Variants in PLXND1 observed in about 807,000 individuals in gnomAD.
PLXND1 encodes plexin-D1.
In PLXND1, 54 loss-of-function variants were observed where a neutral mutation model predicts 197.7. That is an observed-to-expected ratio of 0.27 (90% CI 0.22 to 0.34). The LOEUF (loss-of-function observed/expected upper bound fraction) is 0.34, where lower values mean the gene tolerates loss of function less well. PLXND1 is among the 10% of genes least tolerant of loss of function. PLXND1 has a pLI of 1.00. For synonymous variants in PLXND1, 1,180 were observed against 1,161.2 expected, an observed-to-expected ratio of 1.02 and a Z score of -0.33; for missense variants, 2,127 against 2,699.2, an observed-to-expected ratio of 0.79 and a Z score of 4.70.
intron 24 of PLXND1, 44 bp downstream of exon 24, chr3:129,565,843 C>A (rs766843188): frequency 6.2e-7 from 1 of 1,603,498 alleles, no homozygotes; most frequent in East Asian, 2.2e-5. Flanking sequence ...TGGCCTTGGA[C>A]AGGCTCCTCT....
At chr3:129,560,828 G>C (rs9860256) in intron 29 of PLXND1, 105 bp from the exon 30 acceptor site, 1 of 772,216 alleles carries the variant, frequency 1.3e-6, no homozygotes, top group Non-Finnish European at 2.4e-6. Flanking sequence ...CAGAAAGATG[G>C]GGAGAGAAAC....
chr3:129,593,078 C>T (rs1223089514), intron 1 of PLXND1, among the ~76,000 whole-genome samples: 3 of 152,240 alleles, frequency 2.0e-5, no homozygotes, highest in Admixed American at 2.0e-4. Flanking sequence ...GCAGGGAAGG[C>T]TCGGCTATCC....
intron 17 of PLXND1, 54 bp downstream of exon 17, chr3:129,571,455 C>T (rs2085226489): frequency 6.4e-7 from 1 of 1,564,698 alleles, no homozygotes; most frequent in African/African-American, 1.4e-5. Flanking sequence ...CAGTTAGGGC[C>T]CTGGCTGTGC....
chr3:129,573,541 A>G (rs542663194), intron 13 of PLXND1, 53 bp downstream of exon 13: 16 of 1,544,036 alleles, frequency 1.0e-5, no homozygotes, highest in Non-Finnish European at 1.3e-5. Context: ...AGGAGGACAG[A>G]GCAGAGGCTG....
chr3:129,557,160 G>T lies in PLXND1; in HGVS notation c.5509C>A (p.Arg1837Ser), dbSNP rs772619539. 1.2e-6 allele frequency: 2 copies of T among 1,614,054 alleles called. No homozygotes were observed. The highest frequency in any genetic ancestry group is 2.2e-5 in the South Asian group (2 of 91,076). Residue 1837 changes from arginine to serine, a missense_variant, in exon 34 of 36, where the codon CGC (arginine) becomes AGC (serine). Arg to Ser is a moderately radical substitution (Grantham distance 110). Around this residue, in one of 6 missense-constraint regions of PLXND1, gnomAD observed 200 missense variants for 303.3 expected, o/e 0.66. Transcript: ENST00000324093. The surrounding 1 kb of genome is among the most constrained non-coding windows in gnomAD (Gnocchi z 4.8). ...EIPEYRKIVQ[R>S]YYKQIQDMTP... is the part of the protein sequence containing the mutation. The stretch of plus-strand genomic sequence containing the variant: ...ATGTCCTGGATCTGCTTGTAGTAGC[G>T]CTGCACGATCTTCCGGTACTCAGGA...
chr3:129,572,634 C>T lies in PLXND1; in HGVS notation c.3052G>A (p.Asp1018Asn), dbSNP rs371974138. The T allele has an allele frequency of 7.5e-6, 12 of 1,589,458 alleles. No homozygotes were observed. The highest frequency in any genetic ancestry group is 1.3e-5 in the African/African-American group (1 of 74,512). Residue 1018 changes from aspartate (D) to asparagine (N), a missense_variant, in exon 15 of 36, where the codon GAC becomes AAC. Physicochemically the swap from Asp to Asn is conservative, Grantham distance 23. This residue lies in a region of PLXND1 where 1,095 missense variants were observed against 1,259.8 expected (regional missense o/e 0.87). Coordinates refer to ENST00000324093, the MANE Select transcript of PLXND1 (RefSeq NM_015103.3). Reference sequence around the variant, plus strand: ...ATCAGCTCCGTGCAGGGGTCTGTGTCGTTCACCAGGACCTGGAGCTCGGAG... The same window carrying T: ...ATCAGCTCCGTGCAGGGGTCTGTGTTGTTCACCAGGACCTGGAGCTCGGAG... ...VGSELQVLVN[D>N]TDPCTELMRT...
intron 8 of PLXND1, among the ~76,000 whole-genome samples, chr3:129,582,793 C>G (rs2085403967): frequency 6.6e-6 from 1 of 152,220 alleles, no homozygotes; most frequent in Admixed American, 6.5e-5. Flanking sequence ...TAGATTGATC[C>G]ATTTTTACAT....
At position 129,605,812 on chromosome 3, in the gene PLXND1, C is replaced by T; in HGVS notation, c.828G>A (p.Lys276=). ...GCAGGAAGGCGCTCACGAAGCCCAG[C>T]TTGTGCTGCTCCTTGGCGCCCTGCT... ...KIKQGAKEQH[K]LGFVSAFLHP... Residue 276 remains lysine (K), a synonymous_variant, in exon 1 of 36, where the codon AAG becomes AAA. Coordinates refer to ENST00000324093, the MANE Select transcript of PLXND1 (RefSeq NM_015103.3). 1 of 1,608,332 alleles carries T rather than the reference C, an allele frequency of 6.2e-7. No homozygotes were observed. Among genetic ancestry groups the T allele is most frequent in the Non-Finnish European group, 8.5e-7 (1 of 1,177,756 alleles).
chr3:129,573,186 C>T (rs2085263084), intron 13 of PLXND1, among the ~76,000 whole-genome samples: 1 of 152,164 alleles, frequency 6.6e-6, no homozygotes, highest in Non-Finnish European at 1.5e-5. Flanking sequence ...GATGCACGGC[C>T]TCCCAAAAGG....
intron 10 of PLXND1, 84 bp downstream of exon 10, chr3:129,575,682 A>G (rs2085303129): frequency 1.6e-6 from 2 of 1,231,820 alleles, no homozygotes; most frequent in East Asian, 2.5e-5. Context: ...CAGAAGGTAG[A>G]GAGAGGCAGG....
intron 27 of PLXND1, among the ~76,000 whole-genome samples, chr3:129,562,194 C>T (rs186688396): frequency 6.6e-6 from 1 of 152,202 alleles, no homozygotes; most frequent in East Asian, 1.9e-4. Flanking sequence ...CTGATGAAAC[C>T]CTTGGCCTAA....
chr3:129,581,831 G>A (rs1233970964), intron 8 of PLXND1, among the ~76,000 whole-genome samples: 1 of 152,240 alleles, frequency 6.6e-6, no homozygotes, highest in East Asian at 1.9e-4. Flanking sequence ...GGACTGTGAC[G>A]AGGCTGGGTC....
chr3:129,556,093 A>G lies in PLXND1; in HGVS notation c.*219T>C, dbSNP rs56203737. 66,471 of 535,972 alleles carry G rather than the reference A, an allele frequency of 0.12. 5,100 individuals carry two copies. Among genetic ancestry groups the G allele is most frequent in the African/African-American group, 0.26 (13,670 of 52,394 alleles). The allele number at this position is 535,972 out of a possible 1,614,324, so 33.2% of individuals were successfully genotyped here. ...TGACCAGCTCTCTGGCCTCCATCCCAGAGACTGATCTGGGGACAGGTGGGA... is the reference window on the plus strand; with the variant it reads ...TGACCAGCTCTCTGGCCTCCATCCCGGAGACTGATCTGGGGACAGGTGGGA... On this transcript the variant is annotated 3_prime_UTR_variant, in exon 36 of 36. Transcript: ENST00000324093.
At chr3:129,561,074 G>A (rs377567478) in intron 29 of PLXND1, 9 of 487,622 alleles carry the variant, frequency 1.8e-5, no homozygotes, top group Admixed American at 1.8e-4. Flanking sequence ...GAGGGACAGC[G>A]GTGGAGAGAA....
intron 5 of PLXND1, among the ~76,000 whole-genome samples, chr3:129,585,543 G>A (rs2085446690): frequency 6.6e-6 from 1 of 152,210 alleles, no homozygotes; most frequent in South Asian, 2.1e-4. Context: ...GGGAAAAGGT[G>A]GGTGGAACTC....
chr3:129,565,863 C>G, intron 24 of PLXND1, 24 bp downstream of exon 24: 1 of 1,612,092 alleles, frequency 6.2e-7, no homozygotes. Flanking sequence ...TTCCCTACCC[C>G]ACCCCAGTCT....
chr3:129,605,505 G>A lies in PLXND1; in HGVS notation c.1135C>T (p.Pro379Ser), dbSNP rs1311254322. The change falls in exon 1 of 36, where the codon CCC (proline) becomes TCC (serine). Residue 379 changes from proline to serine, a missense_variant. Around this residue, in one of 6 missense-constraint regions of PLXND1, gnomAD observed 1,095 missense variants for 1,259.8 expected, o/e 0.87. Transcript: ENST00000324093. ...GCGGCCGGAGCAGCGCGGGCCGCGGGGGACCCCTGGGGCCGCTCGAAGACA... is the reference window on the plus strand; with the variant it reads ...GCGGCCGGAGCAGCGCGGGCCGCGGAGGACCCCTGGGGCCGCTCGAAGACA... The part of the protein sequence containing the change: ...FAVFERPQGS[P>S]AARAAPAALC... 20 of 1,496,054 alleles carry A rather than the reference G, an allele frequency of 1.3e-5. No individual in the cohort carries two copies. Among genetic ancestry groups the A allele is most frequent in the Middle Eastern group, 1.9e-4 (1 of 5,232 alleles). 92.7% of individuals were successfully genotyped at this position (1,496,054 alleles called of 1,614,324 possible). A position where few individuals can be genotyped will look rare whatever the true frequency, so the allele number is the denominator to read the frequency against.
intron 8 of PLXND1, among the ~76,000 whole-genome samples, chr3:129,579,814 C>T (rs1363733042): frequency 6.6e-6 from 1 of 152,162 alleles, no homozygotes; most frequent in Non-Finnish European, 1.5e-5. Context: ...GGCCTTGGGA[C>T]AAAATATGAG....
chr3:129,564,064 G>T (rs576377140), intron 25 of PLXND1, among the ~76,000 whole-genome samples: 17 of 152,336 alleles, frequency 1.1e-4, no homozygotes, highest in African/African-American at 3.6e-4. Flanking sequence ...GAAGCCAGGG[G>T]AGTGAGGTCC....
Sources: gnomAD v4.1 joint callset for allele counts (sites outside exome capture counted in the v4.1 genomes callset) on GRCh38, gnomAD v4.1.1 for gene constraint, gnomAD v4.1.1 regional missense constraint, Gnocchi (gnomAD v3.1) non-coding constraint, MANE v1.5 for transcripts, NCBI Gene and HGNC (gene_info 2026-07-23, HGNC 2026-07-21) for gene names.